IMMT: variants seen among roughly 807,000 people sequenced by gnomAD.
The protein encoded by IMMT is MICOS complex subunit MIC60.
IMMT carries 40 observed loss-of-function variants against 92.7 expected under a neutral mutation model. That is an observed-to-expected ratio of 0.43 (90% CI 0.34 to 0.56). The LOEUF (loss-of-function observed/expected upper bound fraction) is 0.56, where lower values mean the gene tolerates loss of function less well. Ranked by LOEUF, IMMT falls within the 20% of genes least tolerant of loss-of-function variation. IMMT has a pLI of 0.03. For synonymous variants in IMMT, 322 were observed against 336.1 expected (o/e 0.96, Z 0.46); for missense variants, 831 against 912.1 (o/e 0.91, Z 1.14).
intron 10 of IMMT, among the ~76,000 whole-genome samples, chr2:86,154,448 G>A (rs933960456): frequency 2.6e-5 from 4 of 152,150 alleles, no homozygotes; most frequent in Non-Finnish European, 4.4e-5. Context: ...TGGGATTACA[G>A]GCGTGAGCCA....
At chr2:86,161,481 CTT>C (rs767952449) in intron 8 of IMMT, among the ~76,000 whole-genome samples, 1 of 146,246 alleles carries the variant, frequency 6.8e-6, no homozygotes, top group Non-Finnish European at 1.5e-5. Context: ...TATTTTATTC[CTT>C]CTCTCTTTTT....
chr2:86,182,842 C>T (rs1054112540), intron 1 of IMMT, among the ~76,000 whole-genome samples: 2 of 151,626 alleles, frequency 1.3e-5, no homozygotes, highest in African/African-American at 4.8e-5. Context: ...TAGAATGAGA[C>T]CCTGTCTCCT....
intron 6 of IMMT, among the ~76,000 whole-genome samples, chr2:86,167,476 T>A (rs1334433826): frequency 1.6e-5 from 1 of 62,520 alleles, no homozygotes; most frequent in Non-Finnish European, 3.8e-5. Flanking sequence ...CCCGGTTTTT[T>A]GTTTTTTGTT....
intron 1 of IMMT, among the ~76,000 whole-genome samples, chr2:86,191,179 A>G (rs1330013243): frequency 6.7e-6 from 1 of 149,690 alleles, no homozygotes; most frequent in Non-Finnish European, 1.5e-5. Context: ...GTCTCTACAG[A>G]AAAAAAAATA....
rs750806926 is a variant in IMMT, at chr2:86,179,527, C to T, written c.215G>A (p.Arg72Gln). 5.6e-6 allele frequency: 9 copies of T among 1,613,080 alleles called. No homozygotes were observed. The highest frequency in any genetic ancestry group is 4.0e-5 in the African/African-American group (3 of 74,906). ...AGGTATGGTTTTCTCTACACTTTCC[C>T]GGAAATGGGAATCCCATTTGGCATA... ...ILYAKWDSHF[R>Q]ESVEKTIPYS... The change falls in exon 3 of 15, where the codon CGG (arginine) becomes CAG (glutamine). Residue 72 changes from arginine (R) to glutamine (Q), a missense_variant. Arg to Gln is a conservative substitution (Grantham distance 43, BLOSUM62 1). Transcript: ENST00000410111.
At chr2:86,182,752 T>A (rs1400595829) in intron 1 of IMMT, among the ~76,000 whole-genome samples, 1 of 120,106 alleles carries the variant, frequency 8.3e-6, no homozygotes, top group Non-Finnish European at 1.9e-5. Flanking sequence ...GGCTGAGGCA[T>A]GAGAATCACT....
Position 86,147,847 on chromosome 2 carries a change from CAT to C in IMMT, c.1402-16_1402-15del, listed in dbSNP as rs1675140129. The C allele has an allele frequency of 6.2e-7, 1 of 1,611,596 alleles. No homozygotes were observed. The highest frequency in any genetic ancestry group is 1.3e-5 in the African/African-American group (1 of 74,800). On this transcript the variant is annotated splice_polypyrimidine_tract_variant and intron_variant, in intron 12 of 14. Transcript: ENST00000410111. ...GACTTCTTCTATCTGTGAAACCAAA[CAT>C]AGTAGTTATTAGTTTTCAATTCTCC...
At chr2:86,160,058 G>T (rs1199050013) in intron 8 of IMMT, 1 of 153,580 alleles carries the variant, frequency 6.5e-6, no homozygotes. Flanking sequence ...CACTACCTTT[G>T]GACGAGCATC....
rs563132089 is a variant in IMMT at position 86,158,740 on chromosome 2, T to A, written c.1033-19A>T. The A allele has an allele frequency of 1.3e-6, 2 of 1,574,496 alleles. No homozygotes were observed. Among genetic ancestry groups the A allele is most frequent in the Non-Finnish European group, 1.7e-6 (2 of 1,152,434 alleles). On this transcript the variant is annotated intron_variant, in intron 9 of 14. Transcript: ENST00000410111. Reference sequence around the variant, plus strand: ...CTTGGACCTGAGCAAATACACAGGGTATGTGATTAAATTGAACAAAAAATA... The same window carrying A: ...CTTGGACCTGAGCAAATACACAGGGAATGTGATTAAATTGAACAAAAAATA...
chr2:86,167,687 T>C (rs1676811192), intron 6 of IMMT, among the ~76,000 whole-genome samples: 1 of 151,360 alleles, frequency 6.6e-6, no homozygotes, highest in Non-Finnish European at 1.5e-5. Context: ...TTTCACCGTG[T>C]TAGCCAGGAT....
Position 86,181,324 on chromosome 2 carries a change from T to C in IMMT, c.94A>G (p.Arg32Gly), listed in dbSNP as rs769742350. 3 of 1,613,790 alleles carry C rather than the reference T, an allele frequency of 1.9e-6. No individual in the cohort carries two copies. Among genetic ancestry groups the C allele is most frequent in the Non-Finnish European group, 2.5e-6 (3 of 1,179,748 alleles). ...FVLRPLRPCR[R>G]YSTSGSSGLT... is the part of the protein sequence containing the mutation. Reference sequence around the variant, plus strand: ...CCAGAGCTGCCTGAAGTAGAGTATCTGCGGCATGGTCGCAATGGACGGAGG... The same window carrying C: ...CCAGAGCTGCCTGAAGTAGAGTATCCGCGGCATGGTCGCAATGGACGGAGG... Residue 32 changes from arginine (R) to glycine (G), a missense_variant, in exon 2 of 15, where the codon AGA becomes GGA. Physicochemically the swap from Arg to Gly is moderately radical, Grantham distance 125 (BLOSUM62 -2). Coordinates refer to ENST00000410111, the MANE Select transcript of IMMT (RefSeq NM_006839.3).
At chr2:86,161,331 T>C (rs1366379720) in intron 8 of IMMT, among the ~76,000 whole-genome samples, 1 of 150,186 alleles carries the variant, frequency 6.7e-6, no homozygotes, top group African/African-American at 2.5e-5. Context: ...CTGGCTAACA[T>C]TTTCATTTTT....
intron 7 of IMMT, among the ~76,000 whole-genome samples, chr2:86,163,784 C>T (rs1676451317): frequency 6.6e-6 from 1 of 151,562 alleles, no homozygotes; most frequent in Non-Finnish European, 1.5e-5. Context: ...ACCAGCATGG[C>T]CAATATGGTG....
chr2:86,159,610 C>T lies in IMMT; in HGVS notation c.958G>A (p.Ala320Thr). ...TCTGCAGCAGTTATATGAGGCTTGGCCCCAGCAACCTCTTTTTTCTTTGCA... is the reference window on the plus strand; with the variant it reads ...TCTGCAGCAGTTATATGAGGCTTGGTCCCAGCAACCTCTTTTTTCTTTGCA... ...ENAKKKEVAG[A>T]KPHITAAEGK... Residue 320 changes from alanine (A) to threonine (T), a missense_variant, in exon 9 of 15, where the codon GCC (alanine) becomes ACC (threonine). Physicochemically the swap from Ala to Thr is moderately conservative, Grantham distance 58. Coordinates refer to ENST00000410111, the MANE Select transcript of IMMT (RefSeq NM_006839.3). The T allele has an allele frequency of 6.3e-7, 1 of 1,590,680 alleles. No homozygotes were observed. The highest frequency in any genetic ancestry group is 8.5e-7 in the Non-Finnish European group (1 of 1,172,752).
chr2:86,186,568 C>T (rs1672785615), intron 1 of IMMT, among the ~76,000 whole-genome samples: 1 of 152,182 alleles, frequency 6.6e-6, no homozygotes, highest in African/African-American at 2.4e-5. Flanking sequence ...ACCCAGCCAC[C>T]AAAGTGTATG....
chr2:86,162,708 G>A (rs1676384205), intron 7 of IMMT, among the ~76,000 whole-genome samples: 1 of 152,170 alleles, frequency 6.6e-6, no homozygotes, highest in African/African-American at 2.4e-5. Context: ...GCTGGGCGTG[G>A]TGGCGGGTGC....
At chr2:86,149,636 G>T (rs530715223) in intron 12 of IMMT, among the ~76,000 whole-genome samples, 26 of 152,232 alleles carry the variant, frequency 1.7e-4, no homozygotes, top group African/African-American at 6.3e-4. Flanking sequence ...CTGGCGCCGT[G>T]GGAGGCCAAG....
rs1675460277 is a variant in IMMT at position 86,151,386 on chromosome 2, T to G, written c.1312A>C (p.Lys438Gln). The G allele has an allele frequency of 1.2e-6, 2 of 1,614,030 alleles. No homozygotes were observed. Among genetic ancestry groups the G allele is most frequent in the Non-Finnish European group, 1.7e-6 (2 of 1,179,902 alleles). The change falls in exon 12 of 15, where the codon AAG (lysine) becomes CAG (glutamine). Residue 438 changes from lysine (K) to glutamine (Q), a missense_variant. Coordinates refer to ENST00000410111, the MANE Select transcript of IMMT (RefSeq NM_006839.3). ...TCAAATGCCCGCTTTTCTTCCAGCT[T>G]TTGTTTCTCCAAGGCTAACGTGATG... ...QHITLALEKQKLEEKRAFDSA... is the reference protein window; with the variant it reads ...QHITLALEKQQLEEKRAFDSA...
intron 9 of IMMT, among the ~76,000 whole-genome samples, chr2:86,158,948 T>C (rs1286270292): frequency 2.6e-5 from 4 of 152,082 alleles, no homozygotes; most frequent in Non-Finnish European, 4.4e-5. Context: ...TCCATACATA[T>C]CATATAAGTG....
Sources: gnomAD v4.1 joint callset for allele counts (sites outside exome capture counted in the v4.1 genomes callset) on GRCh38, gnomAD v4.1.1 for gene constraint, MANE v1.5 for transcripts, NCBI Gene and HGNC (gene_info 2026-07-23, HGNC 2026-07-21) for gene names.